EPS15L1: variants seen among roughly 807,000 people sequenced by gnomAD.
EPS15L1 encodes the protein epidermal growth factor receptor substrate 15-like 1.
Under a neutral mutation model 117.1 loss-of-function variants are expected in EPS15L1, and 43 were observed. The ratio of observed to expected loss-of-function variants is 0.37; its 90% CI spans 0.29 to 0.47. The LOEUF is 0.47. Ranked by LOEUF, EPS15L1 falls within the 20% of genes least tolerant of loss-of-function variation. The pLI, the probability that EPS15L1 is intolerant of heterozygous loss-of-function variation, is 0.99. For synonymous variants in EPS15L1, 459 were observed against 470.5 expected, an observed-to-expected ratio of 0.98 and a Z score of 0.32; for missense variants, 981 against 1,164.0, an observed-to-expected ratio of 0.84 and a Z score of 2.29.
chr19:16,400,958 G>T (rs1246656231), intron 16 of EPS15L1: 2 of 985,330 alleles, frequency 2.0e-6, no homozygotes, highest in African/African-American at 3.5e-5. Context: ...CAAAAGCGGT[G>T]CCAGGGGACA....
chr19:16,357,310 G>A (rs1430994237), intron 23 of EPS15L1: 1 of 152,326 alleles, frequency 6.6e-6, no homozygotes, highest in Non-Finnish European at 1.5e-5. Flanking sequence ...GATACTAGGT[G>A]AAACTGACAG....
At chr19:16,463,821 T>C (rs1175825828) in intron 1 of EPS15L1, among the ~76,000 whole-genome samples, 1 of 152,208 alleles carries the variant, frequency 6.6e-6, no homozygotes, top group Non-Finnish European at 1.5e-5. Context: ...AAGGCTTCCC[T>C]GAGGAAGTGA....
intron 10 of EPS15L1, 112 bp downstream of exon 10, chr19:16,421,207 C>T (rs1437815151): frequency 5.5e-5 from 67 of 1,219,604 alleles, no homozygotes; most frequent in Admixed American, 7.3e-5. Flanking sequence ...CCAGACACAG[C>T]GGAAGCCTGT....
chr19:16,374,830 A>T (rs1273074385), intron 22 of EPS15L1, among the ~76,000 whole-genome samples: 5 of 152,230 alleles, frequency 3.3e-5, no homozygotes, highest in African/African-American at 1.2e-4. Flanking sequence ...GTAAGCACAG[A>T]GTGTGCATGC....
chr19:16,434,021 T>C (rs1228585914), intron 7 of EPS15L1, among the ~76,000 whole-genome samples: 1 of 151,942 alleles, frequency 6.6e-6, no homozygotes, highest in Non-Finnish European at 1.5e-5. Context: ...ATTCCCACAT[T>C]CAGCACAATG....
intron 13 of EPS15L1, among the ~76,000 whole-genome samples, chr19:16,409,303 T>G (rs1175163843): frequency 6.6e-6 from 1 of 152,076 alleles, no homozygotes; most frequent in Non-Finnish European, 1.5e-5. Context: ...TGCAAAACAA[T>G]GACATTGCAT....
intron 4 of EPS15L1, among the ~76,000 whole-genome samples, 171 bp from the exon 5 acceptor site, chr19:16,438,036 T>A (rs1302388964): frequency 2.0e-5 from 3 of 152,136 alleles, no homozygotes; most frequent in Non-Finnish European, 2.9e-5. Context: ...CTTGGGGACA[T>A]CGCTTAAATG....
At chr19:16,442,741 G>A (rs999526105) in intron 1 of EPS15L1, among the ~76,000 whole-genome samples, 5 of 152,194 alleles carry the variant, frequency 3.3e-5, no homozygotes, top group South Asian at 2.1e-4. Context: ...TGACCAGCCC[G>A]CGCCCGGAGA....
Position 16,411,831 on chromosome 19 carries a change from C to A in EPS15L1, c.1266+1942G>T, listed in dbSNP as rs939709993. Among the ~76,000 whole-genome samples the A allele has an allele frequency of 9.2e-5, 14 of 152,146 alleles. 1 individual carries two copies. Among genetic ancestry groups the A allele is most frequent in the Non-Finnish European group, 2.1e-4 (14 of 68,036 alleles). On this transcript the variant is annotated intron_variant, in intron 13 of 23. Transcript: ENST00000455140. Reference sequence around the variant, plus strand: ...TCTCCCACCTCAGCCTCCTGAGTAACTGGGACTACAGACACATGCCACTAC... The same window carrying A: ...TCTCCCACCTCAGCCTCCTGAGTAAATGGGACTACAGACACATGCCACTAC...
intron 6 of EPS15L1, among the ~76,000 whole-genome samples, chr19:16,436,191 G>GA (rs1456882265): frequency 6.6e-6 from 1 of 152,188 alleles, no homozygotes; most frequent in Non-Finnish European, 1.5e-5. Context: ...AACATGGGAC[G>GA]AAAGTGCTTG....
chr19:16,449,247 AAAACAAAC>A (rs140126191), intron 1 of EPS15L1, among the ~76,000 whole-genome samples: 267 of 151,812 alleles, frequency 1.8e-3, no homozygotes, highest in African/African-American at 3.6e-3. Flanking sequence ...GATTTCTTAA[AAAACAAAC>A]AAACAAACAA....
chr19:16,400,323 C>T (rs1053252155), intron 16 of EPS15L1, among the ~76,000 whole-genome samples: 5 of 139,330 alleles, frequency 3.6e-5, no homozygotes, highest in East Asian at 4.2e-4. Context: ...GGAGACAGAG[C>T]GAGACTCCGT....
intron 12 of EPS15L1, among the ~76,000 whole-genome samples, chr19:16,416,579 G>C (rs1196467037): frequency 6.6e-6 from 1 of 151,664 alleles, no homozygotes; most frequent in African/African-American, 2.4e-5. Context: ...AGAGGCTGCA[G>C]TGAGCTGAGA....
intron 4 of EPS15L1, among the ~76,000 whole-genome samples, chr19:16,439,070 TTC>T (rs138162235): frequency 3.0e-4 from 42 of 141,812 alleles, no homozygotes; most frequent in South Asian, 6.7e-4. Flanking sequence ...CTTGTTTTTT[TTC>T]TGTTTTTTTT....
chr19:16,394,117 A>T (rs1300805455), intron 17 of EPS15L1, 116 bp from the exon 18 acceptor site: 2 of 884,842 alleles, frequency 2.3e-6, no homozygotes, highest in Non-Finnish European at 1.9e-6. Flanking sequence ...CCTCCAGTGT[A>T]GGGAGAGAAT....
chr19:16,367,019 G>A (rs368688631), intron 22 of EPS15L1, among the ~76,000 whole-genome samples: 4 of 151,946 alleles, frequency 2.6e-5, no homozygotes, highest in East Asian at 1.9e-4. Context: ...GCTGCCACGC[G>A]CACCCACGCC....
At chr19:16,400,361 A>C (rs368488259) in intron 16 of EPS15L1, among the ~76,000 whole-genome samples, 3,613 of 151,096 alleles carry the variant, frequency 0.024, 56 homozygotes, top group African/African-American at 0.033. Flanking sequence ...AAAAACAAAA[A>C]AAAAAAAAAA....
rs1328207614 is a variant in EPS15L1 at position 16,381,644 on chromosome 19, GC to G, written c.2247+3484del. On this transcript the variant is annotated intron_variant, in intron 21 of 23. Transcript: ENST00000455140. The surrounding 1 kb of genome is among the most constrained non-coding windows in gnomAD (Gnocchi z 4.2). ...GAAGCTGCGATTGGAATCTGGGAGT[GC>G]CCCCATCTGCTGCCCCAGTTGTCCC... 6.6e-6 allele frequency among the ~76,000 whole-genome samples: 1 copy of G among 152,218 alleles called. No individual in the cohort carries two copies. The highest frequency in any genetic ancestry group is 1.5e-5 in the Non-Finnish European group (1 of 68,044).
At chr19:16,410,824 G>A (rs2144878248) in intron 13 of EPS15L1, among the ~76,000 whole-genome samples, 1 of 152,214 alleles carries the variant, frequency 6.6e-6, no homozygotes, top group South Asian at 2.1e-4. Flanking sequence ...GAGGTGGGAG[G>A]ATCACCTGAG....
Sources: gnomAD v4.1 joint callset for allele counts (sites outside exome capture counted in the v4.1 genomes callset) on GRCh38, gnomAD v4.1.1 for gene constraint, Gnocchi (gnomAD v3.1) non-coding constraint, MANE v1.5 for transcripts, NCBI Gene and HGNC (gene_info 2026-07-23, HGNC 2026-07-21) for gene names.